The following LINC00305 variants were observed in gnomAD, a reference collection of about 807,000 sequenced individuals.
LINC00305 encodes the protein long intergenic non-protein coding RNA 305.
chr18:64,090,872 A>G (rs1322482189), intron 3 of LINC00305, among the ~76,000 whole-genome samples: 3 of 152,224 alleles, frequency 2.0e-5, no homozygotes, highest in Non-Finnish European at 4.4e-5. Flanking sequence ...TTTATGTTTC[A>G]TAGCTTACAC....
At chr18:64,112,760 A>G (rs1204958222) in intron 1 of LINC00305, among the ~76,000 whole-genome samples, 1 of 152,154 alleles carries the variant, frequency 6.6e-6, no homozygotes, top group Non-Finnish European at 1.5e-5. Flanking sequence ...TCCAGAAAGA[A>G]TCTTTTCTAT....
chr18:64,129,509 A>G (rs1047212357), intron 1 of LINC00305, among the ~76,000 whole-genome samples: 2 of 152,124 alleles, frequency 1.3e-5, no homozygotes, highest in African/African-American at 4.8e-5. Context: ...AACAACTTCC[A>G]TACTTTTGCT....
intron 3 of LINC00305, among the ~76,000 whole-genome samples, chr18:64,091,992 A>ATGCACTGGG (rs1376709186): frequency 6.6e-6 from 1 of 152,224 alleles, no homozygotes; most frequent in Non-Finnish European, 1.5e-5. Flanking sequence ...AACCACTCCT[A>ATGCACTGGG]TGCACTGGGT....
intron 3 of LINC00305, among the ~76,000 whole-genome samples, chr18:64,086,663 TGTCAAAG>T (rs1158522073): frequency 6.6e-6 from 1 of 152,232 alleles, no homozygotes; most frequent in Non-Finnish European, 1.5e-5. Flanking sequence ...TATCATTGCA[TGTCAAAG>T]AAGATTGGTG....
At chr18:64,097,512 G>C (rs2051249383) in intron 3 of LINC00305, among the ~76,000 whole-genome samples, 1 of 151,938 alleles carries the variant, frequency 6.6e-6, no homozygotes, top group Non-Finnish European at 1.5e-5. Flanking sequence ...CCAGTCCAAG[G>C]TTTGAGCACA....
At chr18:64,084,236 T>C (rs1399695955) in intron 3 of LINC00305, among the ~76,000 whole-genome samples, 1 of 152,248 alleles carries the variant, frequency 6.6e-6, no homozygotes, top group Non-Finnish European at 1.5e-5. Context: ...TAGTATCAAC[T>C]CAGTTTTAAG....
At chr18:64,110,421 G>A (rs1360082390) in intron 1 of LINC00305, among the ~76,000 whole-genome samples, 1 of 152,166 alleles carries the variant, frequency 6.6e-6, no homozygotes, top group Non-Finnish European at 1.5e-5. Flanking sequence ...TCTACAACCG[G>A]ATGATAGTAA....
chr18:64,126,626 G>A (rs1195465113), intron 1 of LINC00305, among the ~76,000 whole-genome samples: 1 of 152,092 alleles, frequency 6.6e-6, no homozygotes, highest in Middle Eastern at 3.4e-3. Flanking sequence ...TTCTGAGACT[G>A]GCTCATTCAT....
At chr18:64,084,885 T>C (rs1331517844) in intron 3 of LINC00305, among the ~76,000 whole-genome samples, 1 of 152,246 alleles carries the variant, frequency 6.6e-6, no homozygotes, top group African/African-American at 2.4e-5. Flanking sequence ...AGCACTACTC[T>C]TCAAAGCTTC....
At chr18:64,147,966 C>T (rs1274888985) in intron 1 of LINC00305, among the ~76,000 whole-genome samples, 1 of 151,968 alleles carries the variant, frequency 6.6e-6, no homozygotes, top group Middle Eastern at 3.2e-3. Context: ...AGCACACATT[C>T]TTTCTGGGAC....
chr18:64,089,454 C>A (rs2051216765), intron 3 of LINC00305, among the ~76,000 whole-genome samples: 1 of 152,182 alleles, frequency 6.6e-6, no homozygotes, highest in South Asian at 2.1e-4. Context: ...TGGACTAATA[C>A]AGAGACAGTG....
At chr18:64,118,159 A>G (rs1379380198) in intron 1 of LINC00305, among the ~76,000 whole-genome samples, 2 of 152,194 alleles carry the variant, frequency 1.3e-5, no homozygotes, top group African/African-American at 4.8e-5. Flanking sequence ...GGACAAATAA[A>G]GCAAGCTTAA....
intron 1 of LINC00305, among the ~76,000 whole-genome samples, chr18:64,099,367 G>A (rs1308105924): frequency 6.6e-6 from 1 of 152,088 alleles, no homozygotes; most frequent in African/African-American, 2.4e-5. Flanking sequence ...AGGCACAATC[G>A]TAGAAACTCA....
chr18:64,148,142 C>A (rs1261932244), intron 1 of LINC00305, among the ~76,000 whole-genome samples: 1 of 151,950 alleles, frequency 6.6e-6, no homozygotes, highest in East Asian at 1.9e-4. Context: ...GGATCTCCAC[C>A]CAACCTCAAA....
At chr18:64,137,143 C>T (rs370343068) in intron 1 of LINC00305, among the ~76,000 whole-genome samples, 2 of 152,276 alleles carry the variant, frequency 1.3e-5, no homozygotes, top group African/African-American at 4.8e-5. Context: ...TCTGGACACA[C>T]AGACACAACA....
At chr18:64,109,616 A>C (rs2051306519) in intron 1 of LINC00305, among the ~76,000 whole-genome samples, 1 of 152,228 alleles carries the variant, frequency 6.6e-6, no homozygotes, top group African/African-American at 2.4e-5. Context: ...TTTTGAAAGT[A>C]TACTGGGTAT....
intron 1 of LINC00305, among the ~76,000 whole-genome samples, chr18:64,138,228 A>C (rs933626895): frequency 3.3e-5 from 5 of 152,182 alleles, no homozygotes; most frequent in Admixed American, 2.0e-4. Flanking sequence ...AGTAAGAAAG[A>C]TCCGGGCTGC....
At chr18:64,094,019 C>T (rs970679320) in intron 3 of LINC00305, among the ~76,000 whole-genome samples, 1 of 152,118 alleles carries the variant, frequency 6.6e-6, no homozygotes, top group Non-Finnish European at 1.5e-5. Flanking sequence ...GATTCTGGAT[C>T]GGGGAATGCA....
intron 1 of LINC00305, among the ~76,000 whole-genome samples, chr18:64,116,207 A>G (rs1238382293): frequency 6.6e-6 from 1 of 152,248 alleles, no homozygotes; most frequent in Non-Finnish European, 1.5e-5. Flanking sequence ...ATAAGAATTC[A>G]GTAACAAAAA....
Sources: gnomAD v4.1 joint callset for allele counts (sites outside exome capture counted in the v4.1 genomes callset) on GRCh38, gnomAD v4.1.1 for gene constraint, MANE v1.5 for transcripts, NCBI Gene and HGNC (gene_info 2026-07-23, HGNC 2026-07-21) for gene names.